Variants in UGT1A6 observed in about 807,000 individuals in gnomAD.
The protein encoded by UGT1A6 is UDP-glucuronosyltransferase 1A6.
UGT1A6 carries 32 observed loss-of-function variants against 44.4 expected under a neutral mutation model. The ratio of observed to expected loss-of-function variants is 0.72; its 90% CI spans 0.54 to 0.97. The LOEUF is 0.97. UGT1A6 is among the 50% of genes least tolerant of loss of function. The pLI is 0.00. For synonymous variants in UGT1A6, 238 were observed against 248.5 expected (o/e 0.96, Z 0.40); for missense variants, 685 against 661.9 (o/e 1.03, Z -0.38).
intron 1 of UGT1A6, among the ~76,000 whole-genome samples, chr2:233,733,343 A>G (rs1239726536): frequency 4.6e-5 from 7 of 152,182 alleles, no homozygotes. Flanking sequence ...TTCCAACAGT[A>G]TGTTGAGTAG....
intron 1 of UGT1A6, among the ~76,000 whole-genome samples, chr2:233,718,346 GATGTGCTGTGTTATTCAC>G: frequency 6.6e-6 from 1 of 152,362 alleles, no homozygotes; most frequent in East Asian, 1.9e-4. Flanking sequence ...ATGTCTTTTG[GATGTGCTGTGTTATTCAC>G]ATATGAGAAG....
intron 1 of UGT1A6, chr2:233,719,318 G>C (rs368511777): frequency 5.0e-6 from 8 of 1,613,836 alleles, no homozygotes; most frequent in African/African-American, 1.3e-5. Flanking sequence ...AGTACCTGTC[G>C]ATTCCTGCTG....
intron 1 of UGT1A6, among the ~76,000 whole-genome samples, chr2:233,749,727 C>A (rs1694261714): frequency 6.6e-6 from 1 of 151,854 alleles, no homozygotes; most frequent in Admixed American, 6.5e-5. Context: ...CAGTTTCGCA[C>A]CTGCTGGTCT....
chr2:233,738,058 G>A (rs1690676256), intron 1 of UGT1A6, among the ~76,000 whole-genome samples: 1 of 152,076 alleles, frequency 6.6e-6, no homozygotes, highest in Non-Finnish European at 1.5e-5. Flanking sequence ...AGGACATGGT[G>A]GGAGGTCCCC....
At chr2:233,730,080 A>G (rs1159659352) in intron 1 of UGT1A6, 6 of 1,604,940 alleles carry the variant, frequency 3.7e-6, no homozygotes, top group Non-Finnish European at 5.1e-6. Context: ...TTCCATATTT[A>G]CTTATCTTTC....
intron 1 of UGT1A6, among the ~76,000 whole-genome samples, chr2:233,703,279 G>A (rs2075730151): frequency 6.6e-6 from 1 of 151,990 alleles, no homozygotes; most frequent in East Asian, 1.9e-4. Context: ...TTTCTGTAAG[G>A]TTGGTAGTAA....
At chr2:233,738,796 A>G (rs1559382708) in intron 1 of UGT1A6, among the ~76,000 whole-genome samples, 1 of 152,236 alleles carries the variant, frequency 6.6e-6, no homozygotes, top group Admixed American at 6.5e-5. Flanking sequence ...CAGATGCAGA[A>G]ATACTAGCTA....
At chr2:233,716,705 A>T (rs576766862) in intron 1 of UGT1A6, among the ~76,000 whole-genome samples, 1 of 152,342 alleles carries the variant, frequency 6.6e-6, no homozygotes, top group East Asian at 1.9e-4. Flanking sequence ...TCTTAAAAAC[A>T]CTAAAGAGTT....
chr2:233,743,846 C>T lies in UGT1A6; in HGVS notation c.862-23188C>T, dbSNP rs779214397. On this transcript the variant is annotated intron_variant, in intron 1 of 4. Transcript: ENST00000305139. ...GGGGTGCCACTTGAGCGCCAGCTTG[C>T]GGTACGCCTTCTTGATGGCCTCGGA... 13 of 1,367,112 alleles carry T rather than the reference C, an allele frequency of 9.5e-6. No individual in the cohort carries two copies. The Admixed American group carries it at 1.1e-4, about 12-fold the overall frequency. The allele number at this position is 1,367,112 out of a possible 1,614,324, so 84.7% of individuals were successfully genotyped here.
intron 1 of UGT1A6, chr2:233,712,975 CGGT>C (rs2076265720): frequency 6.2e-7 from 1 of 1,612,932 alleles, no homozygotes; most frequent in African/African-American, 1.3e-5. Flanking sequence ...AGTCAGCTGT[CGGT>C]GGCTTCTGCT....
intron 1 of UGT1A6, among the ~76,000 whole-genome samples, chr2:233,735,156 T>G (rs2078613836): frequency 6.6e-6 from 1 of 152,214 alleles, no homozygotes; most frequent in Non-Finnish European, 1.5e-5. Context: ...TCTAAGTCTC[T>G]GTGTAGGTCT....
intron 1 of UGT1A6, among the ~76,000 whole-genome samples, chr2:233,751,881 A>G (rs553534557): frequency 1.3e-5 from 2 of 152,290 alleles, no homozygotes; most frequent in African/African-American, 4.8e-5. Context: ...CGTCTTGGGT[A>G]TGTCTTTATA....
intron 1 of UGT1A6, among the ~76,000 whole-genome samples, chr2:233,759,163 C>T (rs28899472): frequency 0.024 from 3,618 of 152,322 alleles, 42 homozygotes; most frequent in Non-Finnish European, 0.031. Flanking sequence ...GAACACAAGG[C>T]AGGCAGGTTT....
Position 233,739,198 on chromosome 2 carries a change from G to A in UGT1A6, c.862-27836G>A, listed in dbSNP as rs555664061. On this transcript the variant is annotated intron_variant, in intron 1 of 4. Coordinates refer to ENST00000305139, the MANE Select transcript of UGT1A6 (RefSeq NM_001072.4). ...GAAATGCTTGGATGTCCAGGCAGAC[G>A]TTTGCTGCATGGATAGAGTCCTTAT... 7.2e-5 allele frequency: 11 copies of A among 152,362 alleles called. No individual in the cohort carries two copies. The East Asian group carries it at 9.6e-4, about 13-fold the overall frequency. 9.4% of individuals were successfully genotyped at this position (152,362 alleles called of 1,614,324 possible).
chr2:233,741,588 A>G (rs1403330194), intron 1 of UGT1A6: 1 of 151,778 alleles, frequency 6.6e-6, no homozygotes, highest in Non-Finnish European at 1.5e-5. Context: ...GGCACCTCGG[A>G]GCATGTTGAT....
intron 1 of UGT1A6, among the ~76,000 whole-genome samples, chr2:233,734,944 A>G (rs2125789898): frequency 6.6e-6 from 1 of 152,282 alleles, no homozygotes; most frequent in Middle Eastern, 3.4e-3. Context: ...TCATATGGTC[A>G]GTTTTAGAAT....
At chr2:233,696,617 TC>T (rs2125568424) in intron 1 of UGT1A6, among the ~76,000 whole-genome samples, 1 of 152,346 alleles carries the variant, frequency 6.6e-6, no homozygotes, top group African/African-American at 2.4e-5. Context: ...TTTCTTTCTT[TC>T]TTTCTCTTGC....
chr2:233,738,808 A>G (rs1190321536), intron 1 of UGT1A6: 3 of 152,254 alleles, frequency 2.0e-5, no homozygotes, highest in South Asian at 4.1e-4. Flanking sequence ...TACTAGCTAA[A>G]GAAATTTGAA....
intron 1 of UGT1A6, chr2:233,717,765 A>G (rs542569654): frequency 6.4e-5 from 29 of 456,606 alleles, no homozygotes; most frequent in African/African-American, 5.0e-4. Flanking sequence ...AAAGGCACAC[A>G]TTTAATTCTC....
Sources: gnomAD v4.1 joint callset for allele counts (sites outside exome capture counted in the v4.1 genomes callset) on GRCh38, gnomAD v4.1.1 for gene constraint, MANE v1.5 for transcripts, NCBI Gene and HGNC (gene_info 2026-07-23, HGNC 2026-07-21) for gene names.